ZNF780B: variants seen among roughly 807,000 people sequenced by gnomAD.
ZNF780B encodes the protein zinc finger protein 779.
In ZNF780B, 52 loss-of-function variants were observed where a neutral mutation model predicts 74.1. The ratio of observed to expected loss-of-function variants is 0.70; its 90% CI spans 0.56 to 0.88. ZNF780B has a LOEUF of 0.88. Among genes scored for constraint, ZNF780B ranks in the 40% least tolerant of loss-of-function variants. ZNF780B has a pLI of 0.00. For synonymous variants in ZNF780B, 315 were observed against 324.3 expected (o/e 0.97, Z 0.31); for missense variants, 953 against 1,007.6 (o/e 0.95, Z 0.73).
chr19:40,049,624 T>A (rs1318102642), intron 2 of ZNF780B, among the ~76,000 whole-genome samples: 1 of 152,140 alleles, frequency 6.6e-6, no homozygotes, highest in Non-Finnish European at 1.5e-5. Context: ...CCTAGAAAGC[T>A]CCAGTCTGTG....
At chr19:40,038,347 C>T (rs989945260) in intron 4 of ZNF780B, among the ~76,000 whole-genome samples, 1 of 151,750 alleles carries the variant, frequency 6.6e-6, no homozygotes, top group African/African-American at 2.4e-5. Context: ...CAAGACTTTG[C>T]TATTGTGAAT....
At chr19:40,049,517 T>C (rs1973110534) in intron 2 of ZNF780B, among the ~76,000 whole-genome samples, 1 of 152,160 alleles carries the variant, frequency 6.6e-6, no homozygotes, top group African/African-American at 2.4e-5. Flanking sequence ...TACTGCCCAC[T>C]GTCCTCACTG....
In ZNF780B at chr19:40,031,512, T is replaced by C. The variant is rs1971999355; in HGVS notation, c.*2845A>G. 1 of 152,270 alleles carries C rather than the reference T, an allele frequency of 6.6e-6. No homozygotes were observed. The highest frequency in any genetic ancestry group is 1.5e-5 in the Non-Finnish European group (1 of 68,110). 9.4% of individuals were successfully genotyped at this position (152,270 alleles called of 1,614,324 possible). A position where few individuals can be genotyped will look rare whatever the true frequency, so the allele number is the denominator to read the frequency against. ...GCTGGGATTACAGGCATGAGGCCAC[T>C]GCTCCCGGCTTAATGGTATCATGTT... On this transcript the variant is annotated 3_prime_UTR_variant, in exon 5 of 5. Transcript: ENST00000434248.
intron 4 of ZNF780B, 75 bp downstream of exon 4, chr19:40,047,300 G>T: frequency 2.3e-6 from 3 of 1,287,662 alleles, no homozygotes; most frequent in African/African-American, 1.5e-5. Flanking sequence ...CATCTCAGGG[G>T]TGTGACTCCT....
rs1426985604 is a variant in ZNF780B, at chr19:40,030,713, A to G, written c.*3644T>C. 1 of 152,234 alleles carries G rather than the reference A, an allele frequency of 6.6e-6. No individual in the cohort carries two copies. Among genetic ancestry groups the G allele is most frequent in the African/African-American group, 2.4e-5 (1 of 41,462 alleles). 9.4% of individuals were successfully genotyped at this position (152,234 alleles called of 1,614,324 possible). A position where few individuals can be genotyped will look rare whatever the true frequency, so the allele number is the denominator to read the frequency against. ...TCCAACATAGTACTGCCATGATTGC[A>G]TGATGATAGAGTTTCACCGAAAGGC... On this transcript the variant is annotated 3_prime_UTR_variant, in exon 5 of 5. Coordinates refer to ENST00000434248, the MANE Select transcript of ZNF780B (RefSeq NM_001005851.3).
chr19:40,038,186 T>C (rs1027885782), intron 4 of ZNF780B, among the ~76,000 whole-genome samples: 1 of 152,014 alleles, frequency 6.6e-6, no homozygotes, highest in Non-Finnish European at 1.5e-5. Context: ...GTCCTTGTGA[T>C]AGTTTGCTGA....
chr19:40,044,792 A>G (rs1972858259), intron 4 of ZNF780B, among the ~76,000 whole-genome samples: 1 of 152,226 alleles, frequency 6.6e-6, no homozygotes, highest in African/African-American at 2.4e-5. Context: ...GGAACAAAGG[A>G]TAAACAAAAC....
intron 4 of ZNF780B, 121 bp downstream of exon 4, chr19:40,047,254 G>T (rs1599788611): frequency 1.2e-6 from 1 of 810,288 alleles, no homozygotes; most frequent in Non-Finnish European, 2.1e-6. Flanking sequence ...TGTCCAGTGG[G>T]GGACCTTGGG....
In ZNF780B at chr19:40,030,380, A is replaced by T. The variant is rs1375671340; in HGVS notation, c.*3977T>A. On this transcript the variant is annotated 3_prime_UTR_variant, in exon 5 of 5. Transcript: ENST00000434248. ...AGAGTGATAATTCACCCCCCAATCCAGAGAGGACATTAATTTATTCATGAG... is the reference window on the plus strand; with the variant it reads ...AGAGTGATAATTCACCCCCCAATCCTGAGAGGACATTAATTTATTCATGAG... 6.6e-6 allele frequency: 1 copy of T among 152,180 alleles called. No homozygotes were observed. Among genetic ancestry groups the T allele is most frequent in the Non-Finnish European group, 1.5e-5 (1 of 68,038 alleles). The allele number at this position is 152,180 out of a possible 1,614,324, so 9.4% of individuals were successfully genotyped here.
chr19:40,035,274 A>G lies in ZNF780B; in HGVS notation c.1585T>C (p.Tyr529His). ...GCCTTCCCACACTCCTTACATTCATAGGGCTTCTCACCAGTGTGAATACTC... is the reference window on the plus strand; with the variant it reads ...GCCTTCCCACACTCCTTACATTCATGGGGCTTCTCACCAGTGTGAATACTC... ...HQSIHTGEKP[Y>H]ECKECGKAFR... The change falls in exon 5 of 5, where the codon TAT becomes CAT. Residue 529 changes from tyrosine (Y) to histidine (H), a missense_variant. Transcript: ENST00000434248. The G allele has an allele frequency of 6.2e-7, 1 of 1,614,136 alleles. No individual in the cohort carries two copies. Among genetic ancestry groups the G allele is most frequent in the Non-Finnish European group, 8.5e-7 (1 of 1,180,028 alleles).
At chr19:40,055,088 T>C (rs984368500) in intron 1 of ZNF780B, among the ~76,000 whole-genome samples, 1 of 152,202 alleles carries the variant, frequency 6.6e-6, no homozygotes, top group Admixed American at 6.5e-5. Context: ...GTCAGAAACC[T>C]GGCGTGTGAT....
At chr19:40,048,942 G>T in intron 2 of ZNF780B, 146 bp from the exon 3 acceptor site, 3 of 1,301,180 alleles carry the variant, frequency 2.3e-6, no homozygotes, top group Non-Finnish European at 3.1e-6. Flanking sequence ...TCCTGCTGCT[G>T]GCCTGGTGTG....
In ZNF780B at chr19:40,028,696, T is replaced by C. The variant is rs1971940797; in HGVS notation, c.*5661A>G. 7 of 152,250 alleles carry C rather than the reference T, an allele frequency of 4.6e-5. No homozygotes were observed. The highest frequency in any genetic ancestry group is 4.6e-4 in the Admixed American group (7 of 15,288). The allele number at this position is 152,250 out of a possible 1,614,324, so 9.4% of individuals were successfully genotyped here. A position where few individuals can be genotyped will look rare whatever the true frequency, so the allele number is the denominator to read the frequency against. ...ATTTCTCTGTCATATAATATGGATG[T>C]AAGCCTGATACTGTGGCCTTGCTCT... On this transcript the variant is annotated 3_prime_UTR_variant, in exon 5 of 5. Coordinates refer to ENST00000434248, the MANE Select transcript of ZNF780B (RefSeq NM_001005851.3).
At chr19:40,041,040 T>A (rs1305388010) in intron 4 of ZNF780B, among the ~76,000 whole-genome samples, 1 of 152,236 alleles carries the variant, frequency 6.6e-6, no homozygotes, top group Non-Finnish European at 1.5e-5. Context: ...CTTGTGAGCA[T>A]TTAGTACCAT....
chr19:40,035,173 A>G lies in ZNF780B; in HGVS notation c.1686T>C (p.Cys562=), dbSNP rs756238608. 8 of 1,614,062 alleles carry G rather than the reference A, an allele frequency of 5.0e-6. No individual in the cohort carries two copies. The African/African-American group carries it at 9.3e-5, about 19-fold the overall frequency. ...TGEKPFECKE[C]GKFFRRGSNL... is the part of the protein sequence containing the mutation. Reference sequence around the variant, plus strand: ...TTGAACCACGACGAAAGAATTTCCCACATTCCTTACATTCAAAGGGTTTCT... The same window carrying G: ...TTGAACCACGACGAAAGAATTTCCCGCATTCCTTACATTCAAAGGGTTTCT... Residue 562 remains cysteine (C), a synonymous_variant, in exon 5 of 5, where the codon TGT becomes TGC. Coordinates refer to ENST00000434248, the MANE Select transcript of ZNF780B (RefSeq NM_001005851.3).
chr19:40,034,608 T>G lies in ZNF780B; in HGVS notation c.2251A>C (p.Lys751Gln). The G allele has an allele frequency of 1.2e-6, 2 of 1,614,064 alleles. No individual in the cohort carries two copies. Among genetic ancestry groups the G allele is most frequent in the Non-Finnish European group, 1.7e-6 (2 of 1,179,986 alleles). ...AQHQIIHTGE[K>Q]PFKCKECGKA... ...CCACACTCCTTACATTTAAATGGCT[T>G]CTCACCAGTATGAATGATCTGATGT... The change falls in exon 5 of 5, where the codon AAG becomes CAG. Residue 751 changes from lysine (K) to glutamine (Q), a missense_variant. By Grantham distance (53) the Lys-to-Gln change is moderately conservative (BLOSUM62 1). Coordinates refer to ENST00000434248, the MANE Select transcript of ZNF780B (RefSeq NM_001005851.3).
Position 40,033,286 on chromosome 19 carries a change from C to T in ZNF780B, c.*1071G>A. The T allele has an allele frequency of 6.4e-6, 1 of 155,060 alleles. No homozygotes were observed. 9.6% of individuals were successfully genotyped at this position (155,060 alleles called of 1,614,324 possible). On this transcript the variant is annotated 3_prime_UTR_variant, in exon 5 of 5. Transcript: ENST00000434248. ...GGAAAATGGTGCTGATAGACTTATT[C>T]ACTGCAAGGTTGCTGCAAACCTTCA... is the stretch of plus-strand genomic sequence containing the variant.
At position 40,035,959 on chromosome 19, in the gene ZNF780B, G is replaced by A. The variant is rs1334937499; in HGVS notation, c.900C>T (p.Ser300=). 1 of 1,613,344 alleles carries A rather than the reference G, an allele frequency of 6.2e-7. No homozygotes were observed. Residue 300 remains serine, a synonymous_variant, in exon 5 of 5, where the codon TCC becomes TCT. Transcript: ENST00000434248. ...CCCTACATACAAAGGGTTTCTCATT[G>A]GAATGAATTTTTTGATGCTGAATAA... The part of the protein sequence containing the change: ...SNLIQHQKIH[S]NEKPFVCREC...
chr19:40,054,712 T>C (rs1268074422), intron 1 of ZNF780B, among the ~76,000 whole-genome samples: 1 of 152,214 alleles, frequency 6.6e-6, no homozygotes, highest in East Asian at 1.9e-4. Flanking sequence ...TGCCTAGCAC[T>C]GCTCTAAGAG....
Sources: gnomAD v4.1 joint callset for allele counts (sites outside exome capture counted in the v4.1 genomes callset) on GRCh38, gnomAD v4.1.1 for gene constraint, MANE v1.5 for transcripts, NCBI Gene and HGNC (gene_info 2026-07-23, HGNC 2026-07-21) for gene names.